SAMMSON: variants seen among roughly 807,000 people sequenced by gnomAD.
SAMMSON encodes long intergenic non-protein coding RNA 1212.
At chr3:70,243,852 A>G (rs146891431) in intron 4 of SAMMSON, among the ~76,000 whole-genome samples, 1 of 152,330 alleles carries the variant, frequency 6.6e-6, no homozygotes, top group Non-Finnish European at 1.5e-5. Context: ...CTAGGAGGAT[A>G]TGTGGAGGAA....
intron 6 of SAMMSON, among the ~76,000 whole-genome samples, chr3:70,284,394 C>T (rs552534307): frequency 2.6e-4 from 40 of 152,208 alleles, no homozygotes; most frequent in Admixed American, 2.2e-3. Context: ...CTCTATTAAA[C>T]TTTCTAAAAA....
chr3:70,197,047 T>C (rs1701188407), intron 4 of SAMMSON: 2 of 398,312 alleles, frequency 5.0e-6, no homozygotes, highest in Admixed American at 4.4e-5. Flanking sequence ...CCGAGAGTGG[T>C]TTTCATCCGA....
intron 4 of SAMMSON, among the ~76,000 whole-genome samples, chr3:70,209,275 G>C (rs1701319486): frequency 6.6e-6 from 1 of 151,998 alleles, no homozygotes; most frequent in African/African-American, 2.4e-5. Flanking sequence ...GATGCTAGTA[G>C]CACCTGACCC....
At chr3:70,359,112 C>T (rs967730127) in intron 9 of SAMMSON, among the ~76,000 whole-genome samples, 2 of 151,180 alleles carry the variant, frequency 1.3e-5, no homozygotes, top group African/African-American at 4.9e-5. Context: ...TATCAGAAAA[C>T]ATCATCATCA....
intron 4 of SAMMSON, chr3:70,206,813 C>T: frequency 2.5e-6 from 1 of 397,246 alleles, no homozygotes; most frequent in South Asian, 1.3e-4. Flanking sequence ...AGAAAAAACA[C>T]ATACAGAAAC....
rs182305417 is a variant in SAMMSON at position 70,367,388 on chromosome 3, T to A, written n.913+9064T>A. 3.6e-3 allele frequency among the ~76,000 whole-genome samples: 546 copies of A among 151,696 alleles called. 2 individuals carry two copies. Among genetic ancestry groups the A allele is most frequent in the African/African-American group, 0.013 (521 of 41,528 alleles). ...TACCTTCATGAGATGAATTTTTAAA[T>A]TTTTTAAAAATTTTTTAATTGAAAA... On this transcript the variant is annotated intron_variant and non_coding_transcript_variant, in intron 9 of 9. Coordinates refer to ENST00000642114, the Ensembl canonical transcript of SAMMSON.
intron 6 of SAMMSON, among the ~76,000 whole-genome samples, chr3:70,287,064 A>G (rs1366027819): frequency 2.8e-5 from 4 of 143,516 alleles, no homozygotes; most frequent in South Asian, 2.4e-4. Flanking sequence ...TCTCCTGCCT[A>G]ATTGCCCTGG....
At chr3:70,250,934 A>G (rs1287319932) in intron 6 of SAMMSON, among the ~76,000 whole-genome samples, 1 of 152,248 alleles carries the variant, frequency 6.6e-6, no homozygotes, top group African/African-American at 2.4e-5. Flanking sequence ...ATAAAATTTA[A>G]TCTATTTAGA....
intron 6 of SAMMSON, among the ~76,000 whole-genome samples, chr3:70,271,269 G>T (rs546369292): frequency 8.5e-5 from 13 of 152,152 alleles, no homozygotes; most frequent in African/African-American, 2.9e-4. Flanking sequence ...GACTAGGCAG[G>T]TAAGTAAATC....
At chr3:70,421,498 A>G (rs1403465954) in intron 2 of SAMMSON, among the ~76,000 whole-genome samples, 1 of 152,156 alleles carries the variant, frequency 6.6e-6, no homozygotes, top group Non-Finnish European at 1.5e-5. Flanking sequence ...CCAAGAGCCT[A>G]CAAATAAAAT....
intron 4 of SAMMSON, among the ~76,000 whole-genome samples, chr3:70,081,236 T>C (rs1046479850): frequency 6.6e-5 from 10 of 152,062 alleles, no homozygotes; most frequent in East Asian, 1.9e-4. Context: ...GCCTCAGCCT[T>C]CCAAGTAGCT....
chr3:70,045,036 A>T, intron 3 of SAMMSON, among the ~76,000 whole-genome samples: 1 of 124,530 alleles, frequency 8.0e-6, no homozygotes, highest in African/African-American at 3.2e-5. Flanking sequence ...AATATATATT[A>T]TAATTAATAT....
chr3:70,053,742 T>G (rs535078332), intron 3 of SAMMSON, among the ~76,000 whole-genome samples: 2 of 152,164 alleles, frequency 1.3e-5, no homozygotes, highest in East Asian at 3.9e-4. Context: ...GGTCTTTCTT[T>G]TTTTCACTGG....
At chr3:70,023,562 T>C (rs891890297) in intron 3 of SAMMSON, among the ~76,000 whole-genome samples, 1 of 152,172 alleles carries the variant, frequency 6.6e-6, no homozygotes, top group African/African-American at 2.4e-5. Context: ...CTATTACTCA[T>C]GCCACTGTTC....
intron 2 of SAMMSON, among the ~76,000 whole-genome samples, chr3:70,433,968 C>T (rs1701436532): frequency 6.6e-6 from 1 of 152,144 alleles, no homozygotes; most frequent in African/African-American, 2.4e-5. Flanking sequence ...TGCAGGTAAG[C>T]TACTAAGCTC....
intron 4 of SAMMSON, chr3:70,126,765 G>T (rs534609490): frequency 4.3e-6 from 1 of 231,712 alleles, no homozygotes; most frequent in Non-Finnish European, 8.5e-6. Context: ...GCCTAGGCTG[G>T]AGTGCAGTGG....
chr3:70,341,232 T>C (rs1237096295), intron 7 of SAMMSON, among the ~76,000 whole-genome samples: 2 of 152,042 alleles, frequency 1.3e-5, no homozygotes, highest in Non-Finnish European at 2.9e-5. Flanking sequence ...TATGATTCCA[T>C]AATTAGCCCA....
chr3:70,118,377 C>G (rs1200907996), intron 4 of SAMMSON, among the ~76,000 whole-genome samples: 3 of 152,108 alleles, frequency 2.0e-5, no homozygotes, highest in Admixed American at 6.5e-5. Context: ...TCAAATGTAC[C>G]ATTAAAAAGT....
chr3:70,171,092 A>G (rs910654649), intron 4 of SAMMSON, among the ~76,000 whole-genome samples: 6 of 152,054 alleles, frequency 3.9e-5, no homozygotes, highest in Non-Finnish European at 4.4e-5. Context: ...AAAGACTTCC[A>G]GAAATAACTG....
Sources: allele counts gnomAD v4.1 joint callset (sites outside exome capture counted in the v4.1 genomes callset), GRCh38; gene constraint gnomAD v4.1.1; transcripts MANE v1.5; gene names NCBI Gene and HGNC (gene_info 2026-07-23, HGNC 2026-07-21).